The following MDN1 variants were observed in gnomAD, a reference collection of about 807,000 sequenced individuals.
MDN1 encodes the protein midasin.
In MDN1, 266 loss-of-function variants were observed where a neutral mutation model predicts 669.2. The ratio of observed to expected loss-of-function variants is 0.40; its 90% CI spans 0.36 to 0.44. The LOEUF is 0.44. Among genes scored for constraint, MDN1 ranks in the 20% least tolerant of loss-of-function variants. The pLI, the probability that MDN1 is intolerant of heterozygous loss-of-function variation, is 1.00. For missense variants in MDN1, 5,940 were observed against 6,754.0 expected, an observed-to-expected ratio of 0.88 and a Z score of 4.22; for synonymous variants, 2,385 against 2,457.1, an observed-to-expected ratio of 0.97 and a Z score of 0.87.
At chr6:89,776,805 A>G in intron 11 of MDN1, 110 bp from the exon 12 acceptor site, 2 of 761,382 alleles carry the variant, frequency 2.6e-6, no homozygotes, top group Non-Finnish European at 2.0e-6. Context: ...CAGCAGGAAC[A>G]TTTCTCTAAA....
At chr6:89,769,628 G>GT (rs1298558607) in intron 15 of MDN1, among the ~76,000 whole-genome samples, 10 of 152,136 alleles carry the variant, frequency 6.6e-5, no homozygotes, top group African/African-American at 2.2e-4. Context: ...TGTAAGTAGC[G>GT]TTTTCTTTTA....
At position 89,789,770 on chromosome 6, in the gene MDN1, G is replaced by A. The variant is rs1443196046; in HGVS notation, c.1230+10C>T. Reference sequence around the variant, plus strand: ...TATTAAGGGACAATGAATTTCCTGAGATGACATACCACGTCTAAGGGGGCA... The same window carrying A: ...TATTAAGGGACAATGAATTTCCTGAAATGACATACCACGTCTAAGGGGGCA... On this transcript the variant is annotated intron_variant, in intron 7 of 101. Coordinates refer to ENST00000369393, the MANE Select transcript of MDN1 (RefSeq NM_014611.3). 6 of 1,576,382 alleles carry A rather than the reference G, an allele frequency of 3.8e-6. No homozygotes were observed. The African/African-American group carries it at 5.5e-5, about 14-fold the overall frequency.
At chr6:89,699,129 C>A in intron 58 of MDN1, 94 bp from the exon 59 acceptor site, 1 of 1,190,964 alleles carries the variant, frequency 8.4e-7, no homozygotes, top group South Asian at 1.6e-5. Context: ...CTAAAACTGT[C>A]ATAAGTTTAA....
intron 88 of MDN1, among the ~76,000 whole-genome samples, chr6:89,660,353 T>C (rs753950738): frequency 1.3e-5 from 2 of 151,852 alleles, no homozygotes; most frequent in Non-Finnish European, 2.9e-5. Flanking sequence ...CCCAACTAAT[T>C]TTTTTTTCTT....
intron 5 of MDN1, among the ~76,000 whole-genome samples, chr6:89,791,874 A>AG (rs1819285443): frequency 1.6e-5 from 2 of 124,860 alleles, no homozygotes; most frequent in African/African-American, 3.2e-5. Flanking sequence ...CAAAACTTTT[A>AG]ATTTTTTTTT....
In MDN1 at chr6:89,723,019, T is replaced by C. The variant is rs1422573702; in HGVS notation, c.5903A>G (p.Asp1968Gly). ...MLVDQSPGCYDPGQHVFLVYG... is the reference protein window; with the variant it reads ...MLVDQSPGCYGPGQHVFLVYG... ...GACCAAAAACACATGCTGACCAGGA[T>C]CATAACACCCAGGGGACTGGTCAAC... is the stretch of plus-strand genomic sequence containing the variant. The change falls in exon 40 of 102, where the codon GAT (aspartate) becomes GGT (glycine). Residue 1968 changes from aspartate to glycine, a missense_variant. Transcript: ENST00000369393. 1.2e-6 allele frequency: 2 copies of C among 1,614,036 alleles called. No homozygotes were observed. Among genetic ancestry groups the C allele is most frequent in the Admixed American group, 1.7e-5 (1 of 60,004 alleles).
chr6:89,796,748 T>A (rs1819630753), intron 2 of MDN1, among the ~76,000 whole-genome samples: 1 of 152,168 alleles, frequency 6.6e-6, no homozygotes, highest in South Asian at 2.1e-4. Flanking sequence ...ATAATTAGCA[T>A]GCATTAGATG....
chr6:89,662,032 C>T (rs1167720087), intron 87 of MDN1, 55 bp downstream of exon 87: 4 of 1,570,160 alleles, frequency 2.5e-6, no homozygotes, highest in Non-Finnish European at 1.7e-6. Flanking sequence ...AACTATACAG[C>T]TCAAGAGCTC....
In MDN1 at chr6:89,652,237, T is replaced by A; in HGVS notation, c.15870A>T (p.Arg5290Ser). Residue 5290 changes from arginine to serine, a missense_variant, in exon 95 of 102, where the codon AGA becomes AGT. By Grantham distance (110) the Arg-to-Ser change is moderately radical. Around this residue, in one of 5 missense-constraint regions of MDN1, gnomAD observed 2,280 missense variants for 2,576.3 expected, o/e 0.88. Transcript: ENST00000369393. ...DVNELRQELERQLEMWQPRES... is the reference protein window; with the variant it reads ...DVNELRQELESQLEMWQPRES... ...CACGTGGCTGCCACATTTCCAGCTG[T>A]CTCTCCAGCTCCTGTCTTAGCTCAT... 1 of 1,614,038 alleles carries A rather than the reference T, an allele frequency of 6.2e-7. No individual in the cohort carries two copies. Among genetic ancestry groups the A allele is most frequent in the Non-Finnish European group, 8.5e-7 (1 of 1,180,002 alleles).
At chr6:89,783,000 G>A (rs781304736) in intron 9 of MDN1, among the ~76,000 whole-genome samples, 2 of 152,156 alleles carry the variant, frequency 1.3e-5, no homozygotes, top group Non-Finnish European at 2.9e-5. Flanking sequence ...GGACCACTGT[G>A]ACAACTGTGT....
chr6:89,732,820 C>T (rs45539034), intron 33 of MDN1, 45 bp from the exon 34 acceptor site: 17,023 of 1,576,544 alleles, frequency 0.011, 108 homozygotes, highest in South Asian at 0.015. Context: ...AACGGGAGAT[C>T]CCAGAACAAA....
chr6:89,685,110 A>T, intron 70 of MDN1, 125 bp from the exon 71 acceptor site: 1 of 597,756 alleles, frequency 1.7e-6, no homozygotes, highest in Non-Finnish European at 2.9e-6. Flanking sequence ...GATTACAGTG[A>T]GTTTCACAGG....
intron 2 of MDN1, among the ~76,000 whole-genome samples, chr6:89,796,268 G>A (rs1412052959): frequency 2.4e-5 from 3 of 126,228 alleles, no homozygotes; most frequent in African/African-American, 3.1e-5. Context: ...AGGTTATAGT[G>A]AGCCAAGATC....
At chr6:89,789,662 T>A (rs1321903081) in intron 7 of MDN1, 118 bp downstream of exon 7, 7 of 1,206,622 alleles carry the variant, frequency 5.8e-6, no homozygotes, top group Admixed American at 2.6e-5. Flanking sequence ...ACCTGCAACA[T>A]AGTACGTCTA....
chr6:89,778,837 G>A (rs1443797791), intron 11 of MDN1, among the ~76,000 whole-genome samples: 1 of 151,192 alleles, frequency 6.6e-6, no homozygotes, highest in South Asian at 2.1e-4. Context: ...AGTGAGCCGA[G>A]ATCACGCCAC....
intron 18 of MDN1, among the ~76,000 whole-genome samples, 170 bp downstream of exon 18, chr6:89,758,646 C>T (rs1817378158): frequency 6.6e-6 from 1 of 152,180 alleles, no homozygotes; most frequent in South Asian, 2.1e-4. Flanking sequence ...TTTGCATTCC[C>T]CATACCACCC....
intron 50 of MDN1, 37 bp downstream of exon 50, chr6:89,710,644 A>G: frequency 8.0e-7 from 1 of 1,256,090 alleles, no homozygotes; most frequent in Non-Finnish European, 1.1e-6. Flanking sequence ...ATAAGTTTCC[A>G]AAACAGTGCT....
At chr6:89,737,612 T>C (rs1244655288) in intron 33 of MDN1, among the ~76,000 whole-genome samples, 1 of 152,144 alleles carries the variant, frequency 6.6e-6, no homozygotes, top group Admixed American at 6.5e-5. Context: ...GATACTAATC[T>C]ATTTTCCTTG....
chr6:89,658,301 C>T lies in MDN1; in HGVS notation c.15091G>A (p.Ala5031Thr), dbSNP rs1185261032. The T allele has an allele frequency of 1.4e-5, 22 of 1,614,184 alleles. No individual in the cohort carries two copies. Among genetic ancestry groups the T allele is most frequent in the Non-Finnish European group, 1.9e-5 (22 of 1,180,022 alleles). Residue 5031 changes from alanine (A) to threonine (T), a missense_variant, in exon 90 of 102, where the codon GCC becomes ACC. Ala to Thr is a moderately conservative substitution (Grantham distance 58). Transcript: ENST00000369393. ...VPEALERKEH[A>T]SCGQTGVENM... ...TCCACACCAGTCTGCCCACAGGAGG[C>T]ATGCTCCTTCCTCTCCAAAGCCTCT...
Sources: gnomAD v4.1 joint callset for allele counts (sites outside exome capture counted in the v4.1 genomes callset) on GRCh38, gnomAD v4.1.1 for gene constraint, gnomAD v4.1.1 regional missense constraint, MANE v1.5 for transcripts, NCBI Gene and HGNC (gene_info 2026-07-23, HGNC 2026-07-21) for gene names.